Variants in XPO7 observed in about 807,000 individuals in gnomAD.
XPO7 encodes exportin 7.
XPO7 carries 21 observed loss-of-function variants against 144.3 expected under a neutral mutation model. That is an observed-to-expected ratio of 0.15 (90% CI 0.10 to 0.21). The LOEUF is 0.21. Ranked by LOEUF, XPO7 falls within the 10% of genes least tolerant of loss-of-function variation. The pLI, the probability that XPO7 is intolerant of heterozygous loss-of-function variation, is 1.00. For missense variants in XPO7, 808 were observed against 1,325.8 expected, an observed-to-expected ratio of 0.61 and a Z score of 6.06; for synonymous variants, 580 against 499.6, an observed-to-expected ratio of 1.16 and a Z score of -2.15.
intron 1 of XPO7, among the ~76,000 whole-genome samples, chr8:21,958,291 G>A (rs145291162): frequency 1.4e-4 from 22 of 151,792 alleles, no homozygotes; most frequent in Non-Finnish European, 3.1e-4. Context: ...TTGCTCCTAG[G>A]GGAAGTATAG....
At chr8:21,991,809 A>G in intron 18 of XPO7, 59 bp from the exon 19 acceptor site, 2 of 1,385,126 alleles carry the variant, frequency 1.4e-6, no homozygotes, top group East Asian at 2.5e-5. Context: ...ATCTTCCCAT[A>G]TATGCACAGC....
chr8:21,933,875 C>T (rs1170089088), intron 1 of XPO7, among the ~76,000 whole-genome samples: 1 of 152,038 alleles, frequency 6.6e-6, no homozygotes, highest in East Asian at 1.9e-4. Context: ...AATTTATACC[C>T]CCTTTTTTTA....
At position 21,976,833 on chromosome 8, in the gene XPO7, A is replaced by G. The variant is rs139697754; in HGVS notation, c.763+312A>G. ...CACACCCGGCTAATTTTGTTTGTTT[A>G]TGTTTTGTAGAAGTGGGGTCTAACA... On this transcript the variant is annotated intron_variant, in intron 7 of 27. Coordinates refer to ENST00000252512, the MANE Select transcript of XPO7 (RefSeq NM_015024.5). 2.0e-3 allele frequency among the ~76,000 whole-genome samples: 307 copies of G among 152,178 alleles called. 1 individual carries two copies. Among genetic ancestry groups the G allele is most frequent in the African/African-American group, 6.9e-3 (285 of 41,504 alleles).
chr8:21,976,491 A>G lies in XPO7; in HGVS notation c.733A>G (p.Thr245Ala). ...TGATGAGTCCTCAGACGACCTGTGT[A>G]CAGTGCAGATTCCCACCAGCTGGAG... Reference protein sequence around the residue: ...STDESSDDLCTVQIPTSWRSA... With the variant: ...STDESSDDLCAVQIPTSWRSA... The change falls in exon 7 of 28, where the codon ACA (threonine) becomes GCA (alanine). Residue 245 changes from threonine to alanine, a missense_variant. This residue lies in a region of XPO7 where 223 missense variants were observed against 368.8 expected (regional missense o/e 0.60). Transcript: ENST00000252512. 6.2e-7 allele frequency: 1 copy of G among 1,613,704 alleles called. No individual in the cohort carries two copies.
rs779470238 is a variant in XPO7 at position 21,976,540 on chromosome 8, C to T, written c.763+19C>T. ...AGATCAGGTAACAGAACTTCCTCCA[C>T]CTCAAAGGCTGTCTGTCACTCCCCT... On this transcript the variant is annotated intron_variant, in intron 7 of 27. Coordinates refer to ENST00000252512, the MANE Select transcript of XPO7 (RefSeq NM_015024.5). 3 of 1,603,018 alleles carry T rather than the reference C, an allele frequency of 1.9e-6. No homozygotes were observed. Among genetic ancestry groups the T allele is most frequent in the Non-Finnish European group, 8.5e-7 (1 of 1,174,050 alleles).
intron 1 of XPO7, among the ~76,000 whole-genome samples, chr8:21,961,671 GAC>G (rs1811729633): frequency 6.6e-6 from 1 of 151,916 alleles, no homozygotes; most frequent in Non-Finnish European, 1.5e-5. Flanking sequence ...GTTTTTCTGA[GAC>G]AGAGTCTCAC....
intron 1 of XPO7, among the ~76,000 whole-genome samples, chr8:21,922,873 C>T (rs944685593): frequency 6.6e-6 from 1 of 152,032 alleles, no homozygotes; most frequent in African/African-American, 2.4e-5. Context: ...GGAGAATGTA[C>T]TATTTGCAAA....
At chr8:21,961,207 T>G (rs560974318) in intron 1 of XPO7, among the ~76,000 whole-genome samples, 35 of 151,564 alleles carry the variant, frequency 2.3e-4, no homozygotes, top group Admixed American at 7.9e-4. Flanking sequence ...ACAGGGTGTT[T>G]TTTTTTTTTT....
chr8:21,990,375 A>C lies in XPO7; in HGVS notation c.1900A>C (p.Ser634Arg). The change falls in exon 17 of 28, where the codon AGT (serine) becomes CGT (arginine). Residue 634 changes from serine (S) to arginine (R), a missense_variant. Transcript: ENST00000252512. ...YSSVRKLVKL[S>R]AVQFMLNNHT... is the part of the protein sequence containing the mutation. ...TAGCGTAAGGAAGCTAGTGAAGCTT[A>C]GTGCGGTACAGTTCATGCTGAACAA... 6.2e-7 allele frequency: 1 copy of C among 1,613,774 alleles called. No homozygotes were observed. The highest frequency in any genetic ancestry group is 8.5e-7 in the Non-Finnish European group (1 of 1,179,740).
chr8:21,976,541 C>A lies in XPO7; in HGVS notation c.763+20C>A. On this transcript the variant is annotated intron_variant, in intron 7 of 27. Transcript: ENST00000252512. ...GATCAGGTAACAGAACTTCCTCCAC[C>A]TCAAAGGCTGTCTGTCACTCCCCTA... The A allele has an allele frequency of 6.2e-7, 1 of 1,602,664 alleles. No individual in the cohort carries two copies.
At chr8:21,972,243 C>A (rs574078378) in intron 5 of XPO7, among the ~76,000 whole-genome samples, 17 of 151,698 alleles carry the variant, frequency 1.1e-4, no homozygotes, top group African/African-American at 3.9e-4. Flanking sequence ...TTTGGGAGGC[C>A]GAGGCAGGCG....
At chr8:21,993,501 C>G (rs1289161777) in intron 19 of XPO7, among the ~76,000 whole-genome samples, 1 of 152,134 alleles carries the variant, frequency 6.6e-6, no homozygotes, top group East Asian at 1.9e-4. Context: ...TGTTCTGTCT[C>G]CACGTTTGGA....
intron 21 of XPO7, among the ~76,000 whole-genome samples, chr8:21,998,189 C>T (rs1813015863): frequency 6.6e-6 from 1 of 152,208 alleles, no homozygotes. Flanking sequence ...CGCCTGTAAT[C>T]CCAGCACTTT....
chr8:22,001,329 AAAAG>A (rs1813138413), intron 24 of XPO7, among the ~76,000 whole-genome samples: 1 of 152,032 alleles, frequency 6.6e-6, no homozygotes, highest in African/African-American at 2.4e-5. Flanking sequence ...AAAAGAAAGA[AAAAG>A]CAAGTAGAGG....
intron 1 of XPO7, among the ~76,000 whole-genome samples, chr8:21,935,159 A>AATAG (rs1001841543): frequency 1.3e-5 from 2 of 152,202 alleles, no homozygotes; most frequent in Admixed American, 1.3e-4. Context: ...TAGTTCTATT[A>AATAG]GGTTTGGGCC....
At chr8:21,996,886 C>T (rs1009951196) in intron 21 of XPO7, among the ~76,000 whole-genome samples, 1 of 152,116 alleles carries the variant, frequency 6.6e-6, no homozygotes, top group African/African-American at 2.4e-5. Flanking sequence ...TGGCTCACTG[C>T]AACTTAACGC....
chr8:21,954,872 A>G lies in XPO7; in HGVS notation c.19-11985A>G, dbSNP rs371128690. Reference sequence around the variant, plus strand: ...GTTTGACCTTGTTTGCTGTATGGTAAACATCACTATTTGTAAGGAAAAAAT... The same window carrying G: ...GTTTGACCTTGTTTGCTGTATGGTAGACATCACTATTTGTAAGGAAAAAAT... On this transcript the variant is annotated intron_variant, in intron 1 of 27. Transcript: ENST00000252512. Among the ~76,000 whole-genome samples the G allele has an allele frequency of 1.1e-3, 174 of 152,290 alleles. 2 individuals carry two copies. The highest frequency in any genetic ancestry group is 3.8e-3 in the African/African-American group (158 of 41,564).
intron 1 of XPO7, among the ~76,000 whole-genome samples, chr8:21,954,445 C>G (rs1047355281): frequency 6.6e-6 from 1 of 152,066 alleles, no homozygotes; most frequent in African/African-American, 2.4e-5. Context: ...ACCAGCCTGA[C>G]CAGCATGGTG....
chr8:21,925,308 G>A (rs1026999474), intron 1 of XPO7, among the ~76,000 whole-genome samples: 1 of 152,062 alleles, frequency 6.6e-6, no homozygotes, highest in African/African-American at 2.4e-5. Flanking sequence ...TGCACACAAG[G>A]ACACACACAC....
Sources: gnomAD v4.1 joint callset for allele counts (sites outside exome capture counted in the v4.1 genomes callset) on GRCh38, gnomAD v4.1.1 for gene constraint, gnomAD v4.1.1 regional missense constraint, MANE v1.5 for transcripts, NCBI Gene and HGNC (gene_info 2026-07-23, HGNC 2026-07-21) for gene names.